ZNF438: variants seen among roughly 807,000 people sequenced by gnomAD.
The protein encoded by ZNF438 is zinc finger protein 438.
In ZNF438, 25 loss-of-function variants were observed where a neutral mutation model predicts 38.0. The ratio of observed to expected loss-of-function variants is 0.66; its 90% CI spans 0.48 to 0.92. ZNF438 has a LOEUF of 0.92. ZNF438 is among the 40% of genes least tolerant of loss of function. The pLI is 0.00. For synonymous variants in ZNF438, 372 were observed against 364.1 expected (o/e 1.02, Z -0.25); for missense variants, 1,007 against 999.6 (o/e 1.01, Z -0.10).
At position 30,904,519 on chromosome 10, in the gene ZNF438, G is replaced by T. The variant is rs375306890; in HGVS notation, c.-32+4414C>A. Among the ~76,000 whole-genome samples the T allele has an allele frequency of 8.5e-5, 13 of 152,142 alleles. No individual in the cohort carries two copies. The East Asian group carries it at 2.3e-3, about 27-fold the overall frequency. ...ACTGTTCCCTCCCACTTCCACTTCTGCCCCTTTTCTAACTGACACAGCCAG... is the reference window on the plus strand; with the variant it reads ...ACTGTTCCCTCCCACTTCCACTTCTTCCCCTTTTCTAACTGACACAGCCAG... On this transcript the variant is annotated intron_variant, in intron 3 of 5. Coordinates refer to ENST00000413025, the Ensembl canonical transcript of ZNF438.
intron 3 of ZNF438, among the ~76,000 whole-genome samples, chr10:30,905,080 A>G (rs2042439696): frequency 1.3e-5 from 2 of 152,186 alleles, no homozygotes; most frequent in Admixed American, 1.3e-4. Context: ...GATATACTTC[A>G]CATACTGTAA....
At chr10:31,031,622 C>G (rs571161998) in intron 1 of ZNF438, among the ~76,000 whole-genome samples, 1 of 152,138 alleles carries the variant, frequency 6.6e-6, no homozygotes, top group Non-Finnish European at 1.5e-5. Context: ...GGTGCTGGCC[C>G]GGCCCCACGG....
intron 1 of ZNF438, chr10:30,999,335 C>CA (rs1190313086): frequency 3.9e-5 from 6 of 152,246 alleles, no homozygotes; most frequent in Admixed American, 3.9e-4. Flanking sequence ...GAGTGGGCCT[C>CA]ACCAGGGGCT....
intron 3 of ZNF438, among the ~76,000 whole-genome samples, chr10:30,884,891 TAAAG>T (rs2039746287): frequency 6.6e-6 from 1 of 152,188 alleles, no homozygotes; most frequent in African/African-American, 2.4e-5. Flanking sequence ...TAAATGTAGA[TAAAG>T]AAACATAAGA....
At chr10:30,923,669 C>T (rs1564649650) in intron 2 of ZNF438, among the ~76,000 whole-genome samples, 1 of 152,214 alleles carries the variant, frequency 6.6e-6, no homozygotes, top group Non-Finnish European at 1.5e-5. Flanking sequence ...TTATTTTCAT[C>T]TGCCAATTTG....
chr10:30,948,083 C>A (rs578183628), intron 1 of ZNF438, among the ~76,000 whole-genome samples: 1 of 152,124 alleles, frequency 6.6e-6, no homozygotes, highest in Non-Finnish European at 1.5e-5. Context: ...TCAAGTGGGT[C>A]CCTGACCCCT....
intron 2 of ZNF438, among the ~76,000 whole-genome samples, chr10:30,935,071 T>C (rs1437520447): frequency 6.6e-6 from 1 of 152,264 alleles, no homozygotes; most frequent in Non-Finnish European, 1.5e-5. Context: ...GAAAGTTCTA[T>C]TGGTTTTCAT....
intron 4 of ZNF438, among the ~76,000 whole-genome samples, chr10:30,871,215 T>A (rs1424214465): frequency 1.3e-5 from 2 of 152,166 alleles, no homozygotes; most frequent in Non-Finnish European, 2.9e-5. Context: ...TTTGGTTTTA[T>A]TTTCCCCCCT....
intron 2 of ZNF438, among the ~76,000 whole-genome samples, chr10:30,939,771 G>A (rs2046623949): frequency 6.6e-6 from 1 of 152,172 alleles, no homozygotes; most frequent in Non-Finnish European, 1.5e-5. Context: ...CCTATTTCTA[G>A]AGCATGGGAG....
intron 3 of ZNF438, among the ~76,000 whole-genome samples, chr10:30,902,250 T>C (rs1045369799): frequency 2.0e-5 from 3 of 152,170 alleles, no homozygotes. Context: ...AGAGAGCTGA[T>C]TGGTCCATTT....
intron 4 of ZNF438, among the ~76,000 whole-genome samples, chr10:30,865,806 T>G (rs543038187): frequency 3.9e-5 from 6 of 152,358 alleles, no homozygotes; most frequent in Admixed American, 3.9e-4. Context: ...ACTGCTGGAA[T>G]GAATTTGAGC....
chr10:30,880,265 T>C (rs2039033582), intron 3 of ZNF438, among the ~76,000 whole-genome samples: 1 of 151,644 alleles, frequency 6.6e-6, no homozygotes, highest in Non-Finnish European at 1.5e-5. Flanking sequence ...ACCCTGTCTC[T>C]ACTAAAAATA....
chr10:30,866,650 C>A (rs552802954), intron 4 of ZNF438, among the ~76,000 whole-genome samples: 3 of 151,950 alleles, frequency 2.0e-5, no homozygotes, highest in Admixed American at 6.6e-5. Flanking sequence ...CTGGCTAACA[C>A]GGTGAAACCC....
chr10:30,911,630 T>C (rs2043087619), intron 2 of ZNF438, among the ~76,000 whole-genome samples: 1 of 152,130 alleles, frequency 6.6e-6, no homozygotes, highest in South Asian at 2.1e-4. Flanking sequence ...AAACGATGTT[T>C]GTGGTCAACT....
At chr10:30,898,584 A>G (rs2041633745) in intron 3 of ZNF438, among the ~76,000 whole-genome samples, 1 of 152,150 alleles carries the variant, frequency 6.6e-6, no homozygotes, top group South Asian at 2.1e-4. Context: ...ACATAACTAC[A>G]TAACCATCTA....
At position 30,850,867 on chromosome 10, in the gene ZNF438, G is replaced by A. The variant is rs75109385; in HGVS notation, c.38-500C>T. 5.9e-3 allele frequency among the ~76,000 whole-genome samples: 901 copies of A among 152,236 alleles called. 8 individuals carry two copies. Among genetic ancestry groups the A allele is most frequent in the African/African-American group, 0.021 (867 of 41,548 alleles). ...CTTGATATTTCCCACTGTATCCTTT[G>A]TATAAAACAAGCGCTTCTTGTATCA... On this transcript the variant is annotated intron_variant, in intron 4 of 5. Coordinates refer to ENST00000413025, the Ensembl canonical transcript of ZNF438.
chr10:30,899,078 G>A (rs2041695928), intron 3 of ZNF438, among the ~76,000 whole-genome samples: 1 of 152,034 alleles, frequency 6.6e-6, no homozygotes, highest in Non-Finnish European at 1.5e-5. Flanking sequence ...TCCCAACACT[G>A]ACCAAACTTA....
intron 3 of ZNF438, among the ~76,000 whole-genome samples, chr10:30,879,878 A>C (rs7076280): frequency 0.59 from 88,935 of 151,778 alleles, 26,289 homozygotes; most frequent in African/African-American, 0.62. Flanking sequence ...TGAAGAGGGG[A>C]GAGATGGAAG....
At position 30,960,502 on chromosome 10, in the gene ZNF438, C is replaced by T. The variant is rs936335342; in HGVS notation, c.-191-18851G>A. On this transcript the variant is annotated intron_variant, in intron 1 of 5. Transcript: ENST00000413025. ...TATATGATATCCAATTTTTCCAGCA[C>T]CATTTGTTGAAAAAATAACCCTTTC... Among the ~76,000 whole-genome samples the T allele has an allele frequency of 1.7e-4, 25 of 147,152 alleles. No homozygotes were observed. In the East Asian group the frequency reaches 4.6e-3, roughly 27 times the overall value.
Sources: gnomAD v4.1 joint callset for allele counts (sites outside exome capture counted in the v4.1 genomes callset) on GRCh38, gnomAD v4.1.1 for gene constraint, MANE v1.5 for transcripts, NCBI Gene and HGNC (gene_info 2026-07-23, HGNC 2026-07-21) for gene names.